Variants in IL12RB1 observed in about 807,000 individuals in gnomAD.
The protein encoded by IL12RB1 is interleukin 12 receptor subunit beta 1.
A neutral mutation model predicts 94.4 loss-of-function variants in IL12RB1; 64 were observed. That is an observed-to-expected ratio of 0.68 (90% CI 0.55 to 0.83). The LOEUF is 0.83. Among genes scored for constraint, IL12RB1 ranks in the 40% least tolerant of loss-of-function variants. The pLI, the probability that IL12RB1 is intolerant of heterozygous loss-of-function variation, is 0.00. For synonymous variants in IL12RB1, 362 were observed against 355.5 expected (o/e 1.02, Z -0.21); for missense variants, 814 against 855.6 (o/e 0.95, Z 0.61).
At chr19:18,067,875 C>G (rs1163835261) in intron 11 of IL12RB1, among the ~76,000 whole-genome samples, 1 of 152,014 alleles carries the variant, frequency 6.6e-6, no homozygotes, top group East Asian at 1.9e-4. Context: ...TTTTTTCTTT[C>G]TGTAGAGACG....
chr19:18,074,687 G>A (rs1352087085), intron 7 of IL12RB1, among the ~76,000 whole-genome samples: 1 of 152,146 alleles, frequency 6.6e-6, no homozygotes, highest in African/African-American at 2.4e-5. Context: ...GGCGGAGGTT[G>A]CAGTGAGCCA....
At chr19:18,064,823 G>T (rs1189129356) in intron 12 of IL12RB1, among the ~76,000 whole-genome samples, 2 of 152,112 alleles carry the variant, frequency 1.3e-5, no homozygotes, top group Non-Finnish European at 2.9e-5. Flanking sequence ...GGCAGGATTG[G>T]ACTCTGGAGG....
chr19:18,059,833 G>T, intron 16 of IL12RB1, 61 bp downstream of exon 16: 1 of 976,022 alleles, frequency 1.0e-6, no homozygotes. Flanking sequence ...TGGATGTCTA[G>T]CCCCCCCACC....
In IL12RB1 at chr19:18,060,035, C is replaced by T. The variant is rs758414314; in HGVS notation, c.1842G>A (p.Gln614=). The change falls in exon 16 of 17, where the codon CAG becomes CAA. Residue 614 remains glutamine, a synonymous_variant. Coordinates refer to ENST00000593993, the MANE Select transcript of IL12RB1 (RefSeq NM_005535.3). ...PVDFQEEASL[Q]EALVVEMSWD... ...AGGACATCTCTACCACCAGGGCCTC[C>T]TGCAGGGATGCCTCTTCCTGGAAGT... The T allele has an allele frequency of 6.2e-7, 1 of 1,607,278 alleles. No homozygotes were observed. The highest frequency in any genetic ancestry group is 1.1e-5 in the South Asian group (1 of 90,322).
At chr19:18,068,324 C>T in intron 11 of IL12RB1, 65 bp downstream of exon 11, 1 of 1,331,924 alleles carries the variant, frequency 7.5e-7, no homozygotes, top group Admixed American at 2.3e-5. Flanking sequence ...CTGTGCCCAG[C>T]CTCTATTTTT....
At chr19:18,081,988 C>G (rs2035944101) in intron 3 of IL12RB1, among the ~76,000 whole-genome samples, 162 bp downstream of exon 3, 1 of 152,024 alleles carries the variant, frequency 6.6e-6, no homozygotes, top group Non-Finnish European at 1.5e-5. Flanking sequence ...ACCAACCCCC[C>G]ACCACAATCC....
At chr19:18,080,311 T>C (rs2035801565) in intron 4 of IL12RB1, among the ~76,000 whole-genome samples, 1 of 152,088 alleles carries the variant, frequency 6.6e-6, no homozygotes, top group Non-Finnish European at 1.5e-5. Flanking sequence ...CAATCTCAGC[T>C]CACTGTAACC....
At position 18,086,060 on chromosome 19, in the gene IL12RB1, A is replaced by G. The variant is rs116067400; in HGVS notation, c.64+700T>C. On this transcript the variant is annotated intron_variant, in intron 1 of 16. Coordinates refer to ENST00000593993, the MANE Select transcript of IL12RB1 (RefSeq NM_005535.3). ...GCGAGACGCTGTCTCTGTAAAAAGT[A>G]TACACCAAAAAAATTAACCAGGCAT... Among the ~76,000 whole-genome samples the G allele has an allele frequency of 5.6e-3, 848 of 152,034 alleles. 6 individuals are homozygous for G. Among genetic ancestry groups the G allele is most frequent in the African/African-American group, 0.018 (762 of 41,492 alleles).
chr19:18,059,474 C>T lies in IL12RB1; in HGVS notation c.*134G>A. 1 of 714,078 alleles carries T rather than the reference C, an allele frequency of 1.4e-6. No individual in the cohort carries two copies. Among genetic ancestry groups the T allele is most frequent in the Non-Finnish European group, 2.6e-6 (1 of 382,786 alleles). The allele number at this position is 714,078 out of a possible 1,614,324, so 44.2% of individuals were successfully genotyped here. A position where few individuals can be genotyped will look rare whatever the true frequency, so the allele number is the denominator to read the frequency against. On this transcript the variant is annotated 3_prime_UTR_variant, in exon 17 of 17. Transcript: ENST00000593993. Reference sequence around the variant, plus strand: ...TAGGGTTCCCCCGCAGGATGGGTGGCAACAGGCACGGGGCAGAGAGGAGGC... The same window carrying T: ...TAGGGTTCCCCCGCAGGATGGGTGGTAACAGGCACGGGGCAGAGAGGAGGC...
intron 7 of IL12RB1, among the ~76,000 whole-genome samples, chr19:18,074,690 G>C (rs186972566): frequency 1.7e-4 from 26 of 152,164 alleles, no homozygotes; most frequent in Admixed American, 1.7e-3. Context: ...GGAGGTTGCA[G>C]TGAGCCAAGA....
chr19:18,082,095 T>G (rs1365768774), intron 3 of IL12RB1, 55 bp downstream of exon 3: 6 of 1,117,802 alleles, frequency 5.4e-6, no homozygotes, highest in African/African-American at 1.5e-5. Context: ...CAGAGGGGGT[T>G]GAAGCAAGAG....
At chr19:18,070,119 C>T (rs1451991162) in intron 9 of IL12RB1, among the ~76,000 whole-genome samples, 1 of 151,994 alleles carries the variant, frequency 6.6e-6, no homozygotes, top group Non-Finnish European at 1.5e-5. Flanking sequence ...GGGGTTTCAC[C>T]GTGTTGCCCA....
intron 2 of IL12RB1, 62 bp downstream of exon 2, chr19:18,083,370 G>A (rs373641083): frequency 1.9e-4 from 287 of 1,520,310 alleles, no homozygotes; most frequent in Non-Finnish European, 2.5e-4. Flanking sequence ...AGGGGCCGCT[G>A]TGGATGGGGT....
At chr19:18,063,076 CTATTTTT>C (rs2034284103) in intron 13 of IL12RB1, among the ~76,000 whole-genome samples, 15 of 75,162 alleles carry the variant, frequency 2.0e-4, no homozygotes, top group African/African-American at 7.9e-4. Flanking sequence ...TCTTCTTCTT[CTATTTTT>C]TTTTTTTTTT....
intron 13 of IL12RB1, 118 bp downstream of exon 13, chr19:18,063,758 G>T: frequency 1.1e-6 from 1 of 900,056 alleles, no homozygotes; most frequent in Non-Finnish European, 1.7e-6. Context: ...ACTTTCTCCT[G>T]AGGGCAGTAG....
intron 1 of IL12RB1, among the ~76,000 whole-genome samples, chr19:18,097,351 T>G (rs1025064054): frequency 7.2e-5 from 11 of 152,092 alleles, no homozygotes; most frequent in Non-Finnish European, 1.0e-4. Context: ...GTAATTTTTT[T>G]TTTGTTTTGT....
intron 9 of IL12RB1, chr19:18,071,439 C>G (rs1370224219): frequency 1.7e-6 from 1 of 578,574 alleles, no homozygotes; most frequent in Non-Finnish European, 2.8e-6. Context: ...GAGTGTAGCT[C>G]TATCAACCAG....
intron 1 of IL12RB1, 98 bp from the exon 2 acceptor site, chr19:18,083,589 TCCCA>T: frequency 4.1e-6 from 4 of 980,942 alleles, no homozygotes; most frequent in Non-Finnish European, 5.7e-6. Flanking sequence ...TCATCAGCCC[TCCCA>T]CCCACCCACT....
Position 18,086,924 on chromosome 19 carries a change from G to C in IL12RB1, c.-101C>G, listed in dbSNP as rs2036387371. The C allele has an allele frequency of 1.3e-6, 2 of 1,557,106 alleles. No individual in the cohort carries two copies. The highest frequency in any genetic ancestry group is 1.7e-6 in the Non-Finnish European group (2 of 1,150,202). On this transcript the variant is annotated 5_prime_UTR_variant, in exon 1 of 17. Coordinates refer to ENST00000593993, the MANE Select transcript of IL12RB1 (RefSeq NM_005535.3). ...CCGGAACACATTGAAGCTGAGCAAG[G>C]AGAAAAGACTGAAAAAAAAGAAAAA... is the stretch of plus-strand genomic sequence containing the variant.
Sources: gnomAD v4.1 joint callset for allele counts (sites outside exome capture counted in the v4.1 genomes callset) on GRCh38, gnomAD v4.1.1 for gene constraint, MANE v1.5 for transcripts, NCBI Gene and HGNC (gene_info 2026-07-23, HGNC 2026-07-21) for gene names.